The following PRSS1 variants were observed in gnomAD, a reference collection of about 807,000 sequenced individuals.
PRSS1 encodes the protein serine protease 1.
A neutral mutation model predicts 24.2 loss-of-function variants in PRSS1; 22 were observed. That is an observed-to-expected ratio of 0.91 (90% confidence interval 0.65 to 1.30). The LOEUF is 1.30. Among genes scored for constraint, PRSS1 ranks in the 50% most tolerant of loss-of-function variants. The pLI, the probability that PRSS1 is intolerant of heterozygous loss-of-function variation, is 0.00. For synonymous variants in PRSS1, 126 were observed against 116.1 expected (o/e 1.08, Z -0.55); for missense variants, 366 against 304.2 (o/e 1.20, Z -1.51).
rs571822942 is a variant in PRSS1, at chr7:142,752,812, A to G, written c.592-56A>G. On this transcript the variant is annotated intron_variant, in intron 4 of 4. Coordinates refer to ENST00000311737, the MANE Select transcript of PRSS1 (RefSeq NM_002769.5). ...AGGGGTCTTTTAAGGTTCAGAGTAA[A>G]TGTAGCTATATTCCTCCTCCATCTC... The G allele has an allele frequency of 7.1e-5, 98 of 1,383,638 alleles. No homozygotes were observed. The African/African-American group carries it at 1.3e-3, about 18-fold the overall frequency. The allele number at this position is 1,383,638 out of a possible 1,614,324, so 85.7% of individuals were successfully genotyped here. A position where few individuals can be genotyped will look rare whatever the true frequency, so the allele number is the denominator to read the frequency against.
At chr7:142,751,728 C>T (rs368011407) in intron 2 of PRSS1, 46 bp from the exon 3 acceptor site, 8 of 1,613,988 alleles carry the variant, frequency 5.0e-6, no homozygotes, top group East Asian at 2.2e-5. Flanking sequence ...GGATAGGTGC[C>T]CTGGCTGTGG....
chr7:142,750,498 G>C, intron 1 of PRSS1, 57 bp from the exon 2 acceptor site: 1 of 1,612,076 alleles, frequency 6.2e-7, no homozygotes, highest in Non-Finnish European at 8.5e-7. Context: ...CACAGGCTGG[G>C]AGCGCCACCC....
At chr7:142,749,864 G>A (rs1244586613) in intron 1 of PRSS1, among the ~76,000 whole-genome samples, 1 of 152,182 alleles carries the variant, frequency 6.6e-6, no homozygotes, top group African/African-American at 2.4e-5. Context: ...TCCTAACCTC[G>A]AATGCACCTG....
At chr7:142,751,023 C>A (rs771737977) in intron 2 of PRSS1, 1 of 573,354 alleles carries the variant, frequency 1.7e-6, no homozygotes, top group South Asian at 1.6e-5. Flanking sequence ...TTAAAGCCAA[C>A]TAAGAAAGAC....
chr7:142,750,800 G>A (rs919751490), intron 2 of PRSS1, 86 bp downstream of exon 2: 1 of 1,591,570 alleles, frequency 6.3e-7, no homozygotes, highest in African/African-American at 1.3e-5. Context: ...CTGAGGTTGG[G>A]TAAGATGGAT....
chr7:142,752,617 C>T (rs767333884), intron 4 of PRSS1, 50 bp downstream of exon 4: 1 of 1,613,618 alleles, frequency 6.2e-7, no homozygotes, highest in East Asian at 2.2e-5. Context: ...ATACCTAGGC[C>T]CCACCAGGGA....
Position 142,750,792 on chromosome 7 carries a change from G to C in PRSS1, c.200+78G>C, listed in dbSNP as rs1362824951. 4 of 1,601,430 alleles carry C rather than the reference G, an allele frequency of 2.5e-6. No homozygotes were observed. The Admixed American group carries it at 5.0e-5, about 20-fold the overall frequency. ...CTTGGCTTCAGCCCAGGGAACTACT[G>C]AGGTTGGGTAAGATGGATGGGAGAG... On this transcript the variant is annotated intron_variant, in intron 2 of 4. Coordinates refer to ENST00000311737, the MANE Select transcript of PRSS1 (RefSeq NM_002769.5).
chr7:142,751,289 C>T, intron 2 of PRSS1: 1 of 602,546 alleles, frequency 1.7e-6, no homozygotes, highest in Non-Finnish European at 2.9e-6. Context: ...GGGTAAGGAC[C>T]AAGAATTCAC....
chr7:142,749,669 T>A, intron 1 of PRSS1, 145 bp downstream of exon 1: 1 of 1,124,448 alleles, frequency 8.9e-7, no homozygotes, highest in South Asian at 1.3e-5. Flanking sequence ...CCATCCTCCT[T>A]GGGCTCTTTT....
Position 142,752,533 on chromosome 7 carries a change from T to G in PRSS1, c.557T>G (p.Val186Gly). The change falls in exon 4 of 5, where the codon GTG becomes GGG. Residue 186 changes from valine to glycine, a missense_variant. Physicochemically the swap from Val to Gly is moderately radical, Grantham distance 109. Coordinates refer to ENST00000311737, the MANE Select transcript of PRSS1 (RefSeq NM_002769.5). ...AAGATTACCAGCAACATGTTCTGTG[T>G]GGGCTTCCTTGAGGGAGGCAAGGAT... Reference protein sequence around the residue: ...PGKITSNMFCVGFLEGGKDSC... With the variant: ...PGKITSNMFCGGFLEGGKDSC... 6.2e-7 allele frequency: 1 copy of G among 1,614,212 alleles called. No homozygotes were observed. Among genetic ancestry groups the G allele is most frequent in the Non-Finnish European group, 8.5e-7 (1 of 1,180,036 alleles).
chr7:142,752,433 G>T lies in PRSS1; in HGVS notation c.457G>T (p.Asp153Tyr). The T allele has an allele frequency of 1.2e-6, 2 of 1,614,018 alleles. No individual in the cohort carries two copies. Among genetic ancestry groups the T allele is most frequent in the Non-Finnish European group, 1.7e-6 (2 of 1,179,912 alleles). Reference sequence around the variant, plus strand: ...TGATCTCTTCCTGATCCTCACAGCCGACTACCCAGACGAGCTGCAGTGCCT... The same window carrying T: ...TGATCTCTTCCTGATCCTCACAGCCTACTACCCAGACGAGCTGCAGTGCCT... Reference protein sequence around the residue: ...GWGNTASSGADYPDELQCLDA... With the variant: ...GWGNTASSGAYYPDELQCLDA... The change falls in exon 4 of 5, where the codon GAC (aspartate) becomes TAC (tyrosine). Residue 153 changes from aspartate (D) to tyrosine (Y), a missense_variant and splice_region_variant. Coordinates refer to ENST00000311737, the MANE Select transcript of PRSS1 (RefSeq NM_002769.5).
intron 1 of PRSS1, among the ~76,000 whole-genome samples, chr7:142,750,231 AAGAG>A (rs946780106): frequency 1.3e-5 from 2 of 152,192 alleles, no homozygotes; most frequent in African/African-American, 2.4e-5. Context: ...TGATGAATAA[AAGAG>A]AGAAGCACTC....
At chr7:142,752,375 C>T (rs770654296) in intron 3 of PRSS1, 56 bp from the exon 4 acceptor site, 1 of 1,595,434 alleles carries the variant, frequency 6.3e-7, no homozygotes, top group African/African-American at 1.3e-5. Flanking sequence ...TTATTGTCTC[C>T]TTCTCTGGCC....
In PRSS1 at chr7:142,750,434, C is replaced by T; in HGVS notation, c.41-121C>T. 4 of 1,469,574 alleles carry T rather than the reference C, an allele frequency of 2.7e-6. No individual in the cohort carries two copies. The South Asian group carries it at 4.6e-5, about 17-fold the overall frequency. The allele number at this position is 1,469,574 out of a possible 1,614,324, so 91.0% of individuals were successfully genotyped here. ...ATCACCAGGGGTGGCAGAGCTCCCT[C>T]CCTTGCCTAGCCTCACTGTGCTTGT... On this transcript the variant is annotated intron_variant, in intron 1 of 4. Transcript: ENST00000311737.
intron 2 of PRSS1, chr7:142,751,268 T>G (rs1352554775): frequency 1.8e-5 from 11 of 611,442 alleles, no homozygotes; most frequent in African/African-American, 1.5e-4. Flanking sequence ...AAGGTTCTGA[T>G]CAGTAGGTGG....
intron 2 of PRSS1, 160 bp from the exon 3 acceptor site, chr7:142,751,614 A>G (rs1798738164): frequency 1.5e-6 from 2 of 1,358,738 alleles, no homozygotes; most frequent in African/African-American, 2.9e-5. Flanking sequence ...TCATACCTTC[A>G]CTGACCCACA....
rs567313256 is a variant in PRSS1 at position 142,752,664 on chromosome 7, G to A, written c.591+97G>A. ...ACTCAAAAGGTGGTGGGGCTGAGGA[G>A]GCTCCCTGCAGTGCCCACATGGAGA... On this transcript the variant is annotated intron_variant, in intron 4 of 4. Transcript: ENST00000311737. 1.0e-4 allele frequency: 166 copies of A among 1,590,660 alleles called. 2 individuals are homozygous for A. In the South Asian group the frequency reaches 1.6e-3, roughly 16 times the overall value.
chr7:142,750,565 C>T lies in PRSS1; in HGVS notation c.51C>T (p.Pro17=). ...LTFVAAALAA[P]FDDDDKIVGG... ...CCATCTCCACTCCAGTTGCTGCCCC[C>T]TTTGATGATGATGACAAGATCGTTG... is the stretch of plus-strand genomic sequence containing the variant. Residue 17 remains proline, a synonymous_variant, in exon 2 of 5, where the codon CCC becomes CCT. Coordinates refer to ENST00000311737, the MANE Select transcript of PRSS1 (RefSeq NM_002769.5). The T allele has an allele frequency of 6.2e-7, 1 of 1,614,046 alleles. No individual in the cohort carries two copies. The highest frequency in any genetic ancestry group is 1.1e-5 in the South Asian group (1 of 91,074).
chr7:142,749,886 A>C (rs114167235), intron 1 of PRSS1, among the ~76,000 whole-genome samples: 1,293 of 152,154 alleles, frequency 8.5e-3, no homozygotes, highest in African/African-American at 0.029. Flanking sequence ...GGAGGTTGAA[A>C]AATTACTCAT....
Sources: gnomAD v4.1 joint callset for allele counts (sites outside exome capture counted in the v4.1 genomes callset) on GRCh38, gnomAD v4.1.1 for gene constraint, MANE v1.5 for transcripts, NCBI Gene and HGNC (gene_info 2026-07-23, HGNC 2026-07-21) for gene names.